Variants in RERE observed in about 807,000 individuals in gnomAD.
The protein encoded by RERE is arginine-glutamic acid dipeptide repeats.
Under a neutral mutation model 146.1 loss-of-function variants are expected in RERE, and 40 were observed. The observed-to-expected ratio is 0.27, with a 90% CI of 0.21 to 0.36. The LOEUF (loss-of-function observed/expected upper bound fraction) is 0.36. RERE is among the 10% of genes least tolerant of loss of function. The pLI is 1.00. For synonymous variants in RERE, 1,003 were observed against 866.0 expected, an observed-to-expected ratio of 1.16 and a Z score of -2.78; for missense variants, 1,933 against 2,138.7, an observed-to-expected ratio of 0.90 and a Z score of 1.90.
chr1:8,390,125 C>G lies in RERE; in HGVS notation c.1285-24151G>C, dbSNP rs139448724. The stretch of plus-strand genomic sequence containing the variant: ...ACACCTAAAATCCAAGACCTAGAAA[C>G]AGTCATCCTGTGACCTGAAGCAGAG... On this transcript the variant is annotated intron_variant, in intron 12 of 22. Coordinates refer to ENST00000400908, the MANE Select transcript of RERE (RefSeq NM_001042681.2). Among the ~76,000 whole-genome samples the G allele has an allele frequency of 4.9e-3, 749 of 152,304 alleles. 1 individual carries two copies. The highest frequency in any genetic ancestry group is 0.01 in the Middle Eastern group (3 of 294).
intron 11 of RERE, chr1:8,425,091 C>T (rs1570211511): frequency 6.6e-6 from 1 of 152,182 alleles, no homozygotes; most frequent in African/African-American, 2.4e-5. Context: ...GGCAGTGTGG[C>T]CTAAGTGTAG....
At position 8,556,554 on chromosome 1, in the gene RERE, C is replaced by T; in HGVS notation, c.646G>A (p.Val216Ile). The change falls in exon 6 of 23, where the codon GTC becomes ATC. Residue 216 changes from valine (V) to isoleucine (I), a missense_variant. Physicochemically the swap from Val to Ile is conservative, Grantham distance 29. This residue lies in a region of RERE where 37 missense variants were observed against 46.6 expected (regional missense o/e 0.79). Transcript: ENST00000400908. ...TTCTTGATAACTGGGTCTGTAATGA[C>T]AAGTTCTCTTCCAGAGTCTGTCAAA... is the stretch of plus-strand genomic sequence containing the variant. Reference protein sequence around the residue: ...HNENDSGRELVITDPVIKNRE... With the variant: ...HNENDSGRELIITDPVIKNRE... 6.2e-7 allele frequency: 1 copy of T among 1,604,818 alleles called. No individual in the cohort carries two copies. The highest frequency in any genetic ancestry group is 1.1e-5 in the South Asian group (1 of 90,878).
intron 1 of RERE, among the ~76,000 whole-genome samples, chr1:8,698,445 A>T (rs2124433683): frequency 6.6e-6 from 1 of 152,308 alleles, no homozygotes; most frequent in East Asian, 1.9e-4. Context: ...AGCACACACC[A>T]TCTGGAGGCT....
chr1:8,455,062 A>T (rs1307388004), intron 11 of RERE, among the ~76,000 whole-genome samples: 1 of 151,984 alleles, frequency 6.6e-6, no homozygotes, highest in African/African-American at 2.4e-5. Context: ...CTTCTTCAGG[A>T]GGTAACTGTG....
chr1:8,494,918 C>T (rs1645026287), intron 10 of RERE, 145 bp downstream of exon 10: 1 of 634,844 alleles, frequency 1.6e-6, no homozygotes, highest in Non-Finnish European at 2.9e-6. Context: ...TGGCCTGGAG[C>T]CCCCATGGCA....
intron 4 of RERE, among the ~76,000 whole-genome samples, chr1:8,558,314 T>C (rs1646030916): frequency 6.6e-6 from 1 of 152,222 alleles, no homozygotes; most frequent in South Asian, 2.1e-4. Context: ...TGCCCTTCCA[T>C]TAGCAAGTTA....
intron 7 of RERE, among the ~76,000 whole-genome samples, chr1:8,510,149 T>C (rs1283734889): frequency 5.3e-5 from 8 of 151,966 alleles, no homozygotes; most frequent in Non-Finnish European, 1.0e-4. Flanking sequence ...TCAAGAATCT[T>C]ACAAGCCTCC....
At chr1:8,815,829 T>TTG (rs539845789) in intron 1 of RERE, among the ~76,000 whole-genome samples, 2,048 of 149,938 alleles carry the variant, frequency 0.014, 31 homozygotes, top group African/African-American at 0.033. Context: ...CAGCTTGGTA[T>TTG]TGTGTGTGTG....
intron 4 of RERE, among the ~76,000 whole-genome samples, chr1:8,589,088 C>A (rs1215408963): frequency 1.3e-5 from 2 of 152,032 alleles, no homozygotes; most frequent in East Asian, 1.9e-4. Flanking sequence ...GGTGCCACTA[C>A]ACTCCAGCCT....
At chr1:8,530,707 C>T (rs1434643837) in intron 7 of RERE, among the ~76,000 whole-genome samples, 4 of 89,310 alleles carry the variant, frequency 4.5e-5, no homozygotes, top group South Asian at 3.8e-4. Context: ...TTTTTTGAGA[C>T]GGAGTCTCGC....
At chr1:8,369,075 G>GTAA (rs1383181402) in intron 12 of RERE, among the ~76,000 whole-genome samples, 6 of 152,066 alleles carry the variant, frequency 3.9e-5, no homozygotes, top group African/African-American at 1.4e-4. Context: ...GTGTGTGCCT[G>GTAA]TAATAATACC....
At chr1:8,387,709 A>G (rs1642730367) in intron 12 of RERE, among the ~76,000 whole-genome samples, 3 of 152,250 alleles carry the variant, frequency 2.0e-5, no homozygotes, top group Admixed American at 2.0e-4. Flanking sequence ...ATGACTGGAA[A>G]CCAGGGAAAT....
intron 1 of RERE, among the ~76,000 whole-genome samples, chr1:8,701,330 A>ACACACACTCC (rs1639446139): frequency 7.9e-6 from 1 of 126,134 alleles, no homozygotes; most frequent in Non-Finnish European, 1.7e-5. Flanking sequence ...ACACGCACAC[A>ACACACACTCC]CTCCCTCCCT....
At chr1:8,748,760 T>C (rs1173251778) in intron 1 of RERE, among the ~76,000 whole-genome samples, 3 of 152,192 alleles carry the variant, frequency 2.0e-5, no homozygotes, top group African/African-American at 7.2e-5. Flanking sequence ...GGTGTGGACT[T>C]TAAGCATTTC....
chr1:8,605,264 C>A (rs1244364132), intron 4 of RERE, among the ~76,000 whole-genome samples: 2 of 152,208 alleles, frequency 1.3e-5, no homozygotes, highest in African/African-American at 4.8e-5. Context: ...TCCCAAGTAG[C>A]TGGGACTACA....
At chr1:8,610,288 A>G (rs542241977) in intron 4 of RERE, among the ~76,000 whole-genome samples, 1 of 152,200 alleles carries the variant, frequency 6.6e-6, no homozygotes, top group Admixed American at 6.5e-5. Flanking sequence ...TGGATTTCAG[A>G]TTAAGAATGA....
At chr1:8,395,236 G>A (rs1007548105) in intron 12 of RERE, among the ~76,000 whole-genome samples, 1 of 152,272 alleles carries the variant, frequency 6.6e-6, no homozygotes, top group South Asian at 2.1e-4. Flanking sequence ...AGCACTTTGG[G>A]AAGCCGAGGC....
At chr1:8,465,383 G>T (rs1463796313) in intron 11 of RERE, 2 of 244,964 alleles carry the variant, frequency 8.2e-6, no homozygotes, top group East Asian at 2.0e-4. Context: ...GGTCTTACAA[G>T]CCCTATAAAA....
intron 11 of RERE, among the ~76,000 whole-genome samples, chr1:8,441,288 T>C (rs556677452): frequency 4.6e-5 from 7 of 152,298 alleles, no homozygotes; most frequent in South Asian, 2.1e-4. Flanking sequence ...GACATTTTTT[T>C]CCTATGTTCT....
Sources: allele counts gnomAD v4.1 joint callset (sites outside exome capture counted in the v4.1 genomes callset), GRCh38; gene constraint gnomAD v4.1.1; regional missense constraint gnomAD v4.1.1; transcripts MANE v1.5; gene names NCBI Gene and HGNC (gene_info 2026-07-23, HGNC 2026-07-21).